The following XRCC5 variants were observed in gnomAD, a reference collection of about 807,000 sequenced individuals.
XRCC5 encodes DNA repair protein Ku80.
In XRCC5, 12 loss-of-function variants were observed where a neutral mutation model predicts 95.7. That is an observed-to-expected ratio of 0.13 (90% CI 0.08 to 0.20). XRCC5 has a LOEUF of 0.20. Ranked by LOEUF, XRCC5 falls within the 10% of genes least tolerant of loss-of-function variation. XRCC5 has a pLI of 1.00. For missense variants in XRCC5, 595 were observed against 873.9 expected, an observed-to-expected ratio of 0.68 and a Z score of 4.02; for synonymous variants, 281 against 290.3, an observed-to-expected ratio of 0.97 and a Z score of 0.33.
chr2:216,160,373 A>G (rs1265765362), intron 15 of XRCC5, among the ~76,000 whole-genome samples: 2 of 152,178 alleles, frequency 1.3e-5, no homozygotes, highest in Non-Finnish European at 2.9e-5. Flanking sequence ...TATCTATATG[A>G]TATAAGGTAT....
intron 19 of XRCC5, among the ~76,000 whole-genome samples, chr2:216,202,990 T>C (rs530228019): frequency 1.1e-4 from 17 of 152,220 alleles, no homozygotes; most frequent in Non-Finnish European, 1.6e-4. Flanking sequence ...AAGAGACATA[T>C]TTTAGTTTAT....
chr2:216,175,980 T>C (rs1689266840), intron 16 of XRCC5: 1 of 284,554 alleles, frequency 3.5e-6, no homozygotes, highest in Admixed American at 4.3e-5. Flanking sequence ...GCAGTGGCAA[T>C]GACAACGGCC....
chr2:216,175,738 G>T, intron 16 of XRCC5: 1 of 450,966 alleles, frequency 2.2e-6, no homozygotes, highest in South Asian at 1.8e-5. Flanking sequence ...ACCTTGTGTG[G>T]TCAAGCACAC....
At chr2:216,145,061 A>G (rs1421441867) in intron 13 of XRCC5, among the ~76,000 whole-genome samples, 1 of 152,162 alleles carries the variant, frequency 6.6e-6, no homozygotes, top group Non-Finnish European at 1.5e-5. Flanking sequence ...AGCTTAGCAA[A>G]GGGTCTTTAG....
At chr2:216,157,082 G>T (rs1688857039) in intron 14 of XRCC5, among the ~76,000 whole-genome samples, 1 of 152,172 alleles carries the variant, frequency 6.6e-6, no homozygotes, top group Non-Finnish European at 1.5e-5. Flanking sequence ...AGGACAGACA[G>T]CACGCACGCT....
chr2:216,113,837 A>G (rs1392498399), intron 2 of XRCC5, among the ~76,000 whole-genome samples: 1 of 152,212 alleles, frequency 6.6e-6, no homozygotes, highest in Admixed American at 6.5e-5. Context: ...TATCCCAAGA[A>G]TGGGTTTTCT....
intron 16 of XRCC5, among the ~76,000 whole-genome samples, chr2:216,168,805 A>C (rs988264179): frequency 6.6e-6 from 1 of 152,390 alleles, no homozygotes; most frequent in Non-Finnish European, 1.5e-5. Flanking sequence ...CCTAGATCGC[A>C]TATAAGTTAC....
intron 17 of XRCC5, 105 bp downstream of exon 17, chr2:216,190,439 A>T (rs1192135067): frequency 1.0e-6 from 1 of 966,130 alleles, no homozygotes; most frequent in Non-Finnish European, 1.6e-6. Flanking sequence ...GGAAATTATC[A>T]TTCTCAATAT....
rs775927285 is a variant in XRCC5, at chr2:216,117,806, A to G, written c.368+12A>G. 6.2e-7 allele frequency: 1 copy of G among 1,614,012 alleles called. No homozygotes were observed. The highest frequency in any genetic ancestry group is 8.5e-7 in the Non-Finnish European group (1 of 1,179,868). ...CAACATGAAACAATGTAAGTGTTCC[A>G]AGGAAGAGAGCTGGAAGAGAATCTT... On this transcript the variant is annotated intron_variant, in intron 4 of 20. Transcript: ENST00000392132.
At chr2:216,132,001 C>T (rs1383530568) in intron 9 of XRCC5, among the ~76,000 whole-genome samples, 1 of 152,194 alleles carries the variant, frequency 6.6e-6, no homozygotes, top group Non-Finnish European at 1.5e-5. Context: ...TTGGTGCCCT[C>T]CTTATGTGCT....
Position 216,141,167 on chromosome 2 carries a change from T to C in XRCC5, c.1343-19T>C. 6.2e-7 allele frequency: 1 copy of C among 1,609,554 alleles called. No homozygotes were observed. Among genetic ancestry groups the C allele is most frequent in the Non-Finnish European group, 8.5e-7 (1 of 1,178,708 alleles). On this transcript the variant is annotated intron_variant, in intron 12 of 20. Transcript: ENST00000392132. ...GAATAATGGAAATAATCATTTTTCTTTCGGCTTCTCTGTTTAAGAGGCACA... is the reference window on the plus strand; with the variant it reads ...GAATAATGGAAATAATCATTTTTCTCTCGGCTTCTCTGTTTAAGAGGCACA...
At chr2:216,121,703 T>C (rs1011265850) in intron 5 of XRCC5, among the ~76,000 whole-genome samples, 1 of 152,138 alleles carries the variant, frequency 6.6e-6, no homozygotes, top group East Asian at 1.9e-4. Flanking sequence ...ACCATTACAG[T>C]GTGGAAGAGG....
At chr2:216,109,866 A>G (rs1314633638) in intron 1 of XRCC5, among the ~76,000 whole-genome samples, 2 of 152,168 alleles carry the variant, frequency 1.3e-5, no homozygotes, top group Admixed American at 6.5e-5. Flanking sequence ...TGATAAAGCA[A>G]CTATCCCACA....
At chr2:216,204,198 C>A in intron 19 of XRCC5, 124 bp from the exon 20 acceptor site, 2 of 1,084,154 alleles carry the variant, frequency 1.8e-6, no homozygotes, top group South Asian at 1.4e-5. Context: ...TCTTTTGGGC[C>A]GTTGGCAGTG....
chr2:216,124,429 T>C (rs1173821338), intron 6 of XRCC5, among the ~76,000 whole-genome samples: 1 of 152,192 alleles, frequency 6.6e-6, no homozygotes, highest in African/African-American at 2.4e-5. Context: ...TCTTATATAT[T>C]GGATGCCCGT....
intron 11 of XRCC5, among the ~76,000 whole-genome samples, chr2:216,137,456 TATAAGAATCTTTTAATTATAAAGTATC>T (rs1409375603): frequency 1.3e-5 from 2 of 152,072 alleles, no homozygotes; most frequent in Non-Finnish European, 2.9e-5. Flanking sequence ...ATAAAAATAA[TATAAGAATCTTTTAATTATAAAGTATC>T]ATAAGAATCT....
intron 16 of XRCC5, among the ~76,000 whole-genome samples, chr2:216,182,155 C>T (rs1294571995): frequency 6.6e-6 from 1 of 152,190 alleles, no homozygotes; most frequent in African/African-American, 2.4e-5. Context: ...TCAACAATGG[C>T]TGCCTGTTTC....
intron 14 of XRCC5, among the ~76,000 whole-genome samples, chr2:216,151,764 G>A (rs1378060415): frequency 6.6e-6 from 1 of 152,164 alleles, no homozygotes; most frequent in Non-Finnish European, 1.5e-5. Flanking sequence ...CTAGTAATAT[G>A]CCTGGCATGT....
At chr2:216,136,406 A>G (rs918093730) in intron 10 of XRCC5, among the ~76,000 whole-genome samples, 2 of 151,730 alleles carry the variant, frequency 1.3e-5, no homozygotes, top group African/African-American at 2.4e-5. Flanking sequence ...TGATTCATCA[A>G]CTCATGGGAC....
Sources: gnomAD v4.1 joint callset for allele counts (sites outside exome capture counted in the v4.1 genomes callset) on GRCh38, gnomAD v4.1.1 for gene constraint, MANE v1.5 for transcripts, NCBI Gene and HGNC (gene_info 2026-07-23, HGNC 2026-07-21) for gene names.